PVT1: variants seen among roughly 807,000 people sequenced by gnomAD.
PVT1 encodes the protein CXCR4/PVT1 fusion.
intron 2 of PVT1, among the ~76,000 whole-genome samples, chr8:127,866,855 A>G (rs922115327): frequency 6.6e-6 from 1 of 152,146 alleles, no homozygotes; most frequent in Non-Finnish European, 1.5e-5. Flanking sequence ...CAGATGCTAC[A>G]CATTATGCCA....
chr8:128,044,601 C>T (rs1382000938), intron 4 of PVT1, among the ~76,000 whole-genome samples: 1 of 152,178 alleles, frequency 6.6e-6, no homozygotes, highest in Non-Finnish European at 1.5e-5. Flanking sequence ...GTGCCTGCAA[C>T]ACAGTAAGGA....
chr8:128,002,397 G>T (rs1344371731), intron 4 of PVT1, among the ~76,000 whole-genome samples: 1 of 152,152 alleles, frequency 6.6e-6, no homozygotes, highest in Non-Finnish European at 1.5e-5. Context: ...GATTGGTCAG[G>T]GTGTGTATTA....
At chr8:127,930,428 A>C (rs1013696057) in intron 3 of PVT1, among the ~76,000 whole-genome samples, 3 of 152,100 alleles carry the variant, frequency 2.0e-5, no homozygotes, top group Non-Finnish European at 2.9e-5. Flanking sequence ...CAAAGTGCTG[A>C]GATTAGAGGC....
chr8:127,957,882 C>G (rs573279548), intron 3 of PVT1, among the ~76,000 whole-genome samples: 1 of 152,344 alleles, frequency 6.6e-6, no homozygotes, highest in East Asian at 1.9e-4. Flanking sequence ...TGCCGTGCCT[C>G]GTTCTGCAGG....
chr8:128,022,400 A>C (rs1817448402), intron 4 of PVT1, among the ~76,000 whole-genome samples: 1 of 152,226 alleles, frequency 6.6e-6, no homozygotes, highest in East Asian at 1.9e-4. Flanking sequence ...GCAGCTATTT[A>C]ATTCAGTGCT....
intron 2 of PVT1, among the ~76,000 whole-genome samples, chr8:127,889,033 T>TCTCTC (rs1491272967): frequency 1.4e-5 from 1 of 72,516 alleles, no homozygotes; most frequent in Non-Finnish European, 3.0e-5. Context: ...CCTTTCTCTC[T>TCTCTC]TTCTTTCTTC....
intron 4 of PVT1, among the ~76,000 whole-genome samples, chr8:128,050,503 T>G (rs1462401565): frequency 2.0e-5 from 3 of 152,204 alleles, no homozygotes; most frequent in Admixed American, 1.3e-4. Context: ...CAGGTCTCAC[T>G]TCTTGTCTTT....
intron 3 of PVT1, chr8:127,946,533 T>A (rs1178489152): frequency 6.6e-6 from 1 of 152,272 alleles, no homozygotes; most frequent in East Asian, 1.9e-4. Flanking sequence ...CACGGATGAA[T>A]GATAGCAAGA....
At chr8:127,805,160 C>T (rs968509197) in intron 2 of PVT1, among the ~76,000 whole-genome samples, 1 of 151,674 alleles carries the variant, frequency 6.6e-6, no homozygotes, top group Admixed American at 6.6e-5. Flanking sequence ...GAACTCCTGA[C>T]CTCAGGTGAT....
intron 3 of PVT1, among the ~76,000 whole-genome samples, chr8:127,988,159 AC>A (rs1424101788): frequency 6.6e-6 from 1 of 152,236 alleles, no homozygotes; most frequent in East Asian, 1.9e-4. Flanking sequence ...AGTGGGGAAT[AC>A]AAGCCACCTG....
intron 2 of PVT1, among the ~76,000 whole-genome samples, chr8:127,825,918 A>G (rs952504553): frequency 3.3e-4 from 50 of 151,088 alleles, no homozygotes; most frequent in African/African-American, 1.2e-3. Flanking sequence ...TCGCACAATC[A>G]TGGTTCATTG....
chr8:127,928,540 C>T (rs1055925120), intron 3 of PVT1, among the ~76,000 whole-genome samples: 2 of 152,220 alleles, frequency 1.3e-5, no homozygotes, highest in African/African-American at 2.4e-5. Flanking sequence ...ACCATCTTGT[C>T]CCTGAAAATT....
chr8:128,005,531 C>T (rs1586477637), intron 4 of PVT1, among the ~76,000 whole-genome samples: 1 of 152,198 alleles, frequency 6.6e-6, no homozygotes, highest in Non-Finnish European at 1.5e-5. Flanking sequence ...ATCTTTTGTA[C>T]ATGTACCTTC....
At chr8:127,904,773 G>A (rs532029892) in intron 3 of PVT1, among the ~76,000 whole-genome samples, 13 of 152,334 alleles carry the variant, frequency 8.5e-5, no homozygotes, top group African/African-American at 2.9e-4. Flanking sequence ...GTCTGTGGTA[G>A]GCCAGGCTGG....
intron 2 of PVT1, among the ~76,000 whole-genome samples, chr8:127,862,236 C>T (rs958021332): frequency 3.0e-4 from 45 of 152,016 alleles, no homozygotes; most frequent in African/African-American, 1.1e-3. Flanking sequence ...GGTGAAACCC[C>T]ATCTTTATTA....
chr8:128,050,014 G>A (rs1480303389), intron 4 of PVT1, among the ~76,000 whole-genome samples: 1 of 152,012 alleles, frequency 6.6e-6, no homozygotes. Context: ...ATGATCACGT[G>A]ATTTGGAACT....
intron 4 of PVT1, among the ~76,000 whole-genome samples, chr8:128,024,612 G>C (rs1817472964): frequency 6.6e-6 from 1 of 151,910 alleles, no homozygotes; most frequent in African/African-American, 2.4e-5. Flanking sequence ...GGGTGACAGA[G>C]TAAGACCCTG....
intron 3 of PVT1, among the ~76,000 whole-genome samples, chr8:127,942,752 A>C (rs1442026080): frequency 6.6e-6 from 1 of 152,120 alleles, no homozygotes; most frequent in Non-Finnish European, 1.5e-5. Context: ...ATTTTCTTTC[A>C]GTGGGAAAGA....
intron 3 of PVT1, among the ~76,000 whole-genome samples, chr8:127,915,250 T>C (rs904983973): frequency 6.6e-6 from 1 of 152,154 alleles, no homozygotes; most frequent in Non-Finnish European, 1.5e-5. Flanking sequence ...AAATGGTTAA[T>C]ATTACTTTAT....
Sources: allele counts gnomAD v4.1 joint callset (sites outside exome capture counted in the v4.1 genomes callset), GRCh38; gene constraint gnomAD v4.1.1; transcripts MANE v1.5; gene names NCBI Gene and HGNC (gene_info 2026-07-23, HGNC 2026-07-21).